The following SOBP variants were observed in gnomAD, a reference collection of about 807,000 sequenced individuals.
SOBP encodes the protein sine oculis binding protein homolog, also known as sine oculis-binding protein homolog.
SOBP carries 4 observed loss-of-function variants against 53.6 expected under a neutral mutation model. The ratio of observed to expected loss-of-function variants is 0.07; its 90% CI spans 0.04 to 0.17. SOBP has a LOEUF of 0.17. Ranked by LOEUF, SOBP falls within the 10% of genes least tolerant of loss-of-function variation. The probability of loss-of-function intolerance (pLI) is 1.00; values close to 1 mark genes in which losing one functional copy is unlikely to be tolerated. For synonymous variants in SOBP, 584 were observed against 522.6 expected, an observed-to-expected ratio of 1.12 and a Z score of -1.60; for missense variants, 1,088 against 1,204.7, an observed-to-expected ratio of 0.90 and a Z score of 1.43.
chr6:107,533,366 A>G, intron 3 of SOBP, 93 bp from the exon 4 acceptor site: 1 of 1,341,590 alleles, frequency 7.5e-7, no homozygotes, highest in South Asian at 1.2e-5. Flanking sequence ...AACTAAAATC[A>G]GGCCCAGGTA....
intron 5 of SOBP, among the ~76,000 whole-genome samples, chr6:107,626,784 C>T (rs556821357): frequency 3.3e-5 from 5 of 150,056 alleles, no homozygotes; most frequent in Admixed American, 6.6e-5. Context: ...TGTCTGTAGT[C>T]CCCTCCCAGT....
At chr6:107,657,946 C>A (rs1772137987) in intron 6 of SOBP, among the ~76,000 whole-genome samples, 1 of 151,978 alleles carries the variant, frequency 6.6e-6, no homozygotes. Context: ...GCGTGGTGTA[C>A]CCTACTCATT....
At chr6:107,652,775 T>A (rs1771858113) in intron 6 of SOBP, among the ~76,000 whole-genome samples, 1 of 152,004 alleles carries the variant, frequency 6.6e-6, no homozygotes, top group African/African-American at 2.4e-5. Flanking sequence ...CCCTGATTAG[T>A]CAGCAGCCGT....
chr6:107,622,183 C>G (rs1275686935), intron 5 of SOBP, among the ~76,000 whole-genome samples: 3 of 152,170 alleles, frequency 2.0e-5, no homozygotes, highest in African/African-American at 7.2e-5. Context: ...TTTTGATCCT[C>G]CCAGCAGCTC....
intron 5 of SOBP, among the ~76,000 whole-genome samples, chr6:107,600,075 A>G (rs1786121647): frequency 6.6e-6 from 1 of 152,226 alleles, no homozygotes; most frequent in South Asian, 2.1e-4. Context: ...AAAACATGCA[A>G]ACAGAAATTG....
Position 107,658,597 on chromosome 6 carries a change from C to CA in SOBP, c.*400dup, listed in dbSNP as rs1470591419. The CA allele has an allele frequency of 6.6e-6, 1 of 152,606 alleles. No individual in the cohort carries two copies. The highest frequency in any genetic ancestry group is 2.4e-5 in the African/African-American group (1 of 41,430). 9.5% of individuals were successfully genotyped at this position (152,606 alleles called of 1,614,324 possible). A position where few individuals can be genotyped will look rare whatever the true frequency, so the allele number is the denominator to read the frequency against. On this transcript the variant is annotated 3_prime_UTR_variant, in exon 7 of 7. Transcript: ENST00000317357. ...CTGGAAGATGATATGGATTGGAACA[C>CA]AAAAAATCTTTTTTTAATCTTTTTA... is the stretch of plus-strand genomic sequence containing the variant.
intron 4 of SOBP, among the ~76,000 whole-genome samples, chr6:107,563,284 G>A (rs903271031): frequency 1.6e-4 from 25 of 152,068 alleles, no homozygotes; most frequent in South Asian, 4.2e-4. Context: ...AAGAATAATC[G>A]ATTGTAGGAG....
chr6:107,557,753 GCT>G (rs1784656609), intron 4 of SOBP: 1 of 152,194 alleles, frequency 6.6e-6, no homozygotes, highest in Non-Finnish European at 1.5e-5. Context: ...AAATCTGGCT[GCT>G]AAGAAAAACT....
chr6:107,646,972 G>A (rs1771586930), intron 6 of SOBP, among the ~76,000 whole-genome samples: 1 of 152,204 alleles, frequency 6.6e-6, no homozygotes, highest in South Asian at 2.1e-4. Context: ...TGTATAAAGT[G>A]TGGCTCATCA....
In SOBP at chr6:107,606,574, A is replaced by G. The variant is rs541507853; in HGVS notation, c.669+19399A>G. On this transcript the variant is annotated intron_variant, in intron 5 of 6. Transcript: ENST00000317357. The stretch of plus-strand genomic sequence containing the variant: ...GCTTTAGGGCTCCAGCTGTGGGGGA[A>G]AAGGCGAGGCAGCTAATAGCTATCT... Among the ~76,000 whole-genome samples, 6 of 152,276 alleles carry G rather than the reference A, an allele frequency of 3.9e-5. No homozygotes were observed. In the South Asian group the frequency reaches 8.3e-4, roughly 21 times the overall value.
chr6:107,614,128 G>C (rs760491074), intron 5 of SOBP, among the ~76,000 whole-genome samples: 1 of 152,196 alleles, frequency 6.6e-6, no homozygotes, highest in Non-Finnish European at 1.5e-5. Flanking sequence ...TAAGGCAGGC[G>C]CAGTGGCTCA....
intron 3 of SOBP, among the ~76,000 whole-genome samples, chr6:107,508,861 A>G (rs547641774): frequency 6.6e-6 from 1 of 152,326 alleles, no homozygotes; most frequent in Admixed American, 6.5e-5. Flanking sequence ...TTACGTTTGA[A>G]TATATGCCCA....
At chr6:107,607,938 T>C (rs1395318407) in intron 5 of SOBP, among the ~76,000 whole-genome samples, 1 of 152,138 alleles carries the variant, frequency 6.6e-6, no homozygotes, top group African/African-American at 2.4e-5. Context: ...TAGCCATGAA[T>C]GTGCTGTGAT....
chr6:107,547,913 A>G (rs190678969), intron 4 of SOBP, among the ~76,000 whole-genome samples: 1 of 152,122 alleles, frequency 6.6e-6, no homozygotes, highest in Non-Finnish European at 1.5e-5. Context: ...CTTCTATTGC[A>G]CTGCACAGCT....
At chr6:107,570,469 A>T (rs959914682) in intron 4 of SOBP, among the ~76,000 whole-genome samples, 7 of 152,214 alleles carry the variant, frequency 4.6e-5, no homozygotes, top group Non-Finnish European at 1.0e-4. Context: ...GTTTATTTGA[A>T]AGCATACAGT....
At chr6:107,621,733 G>C (rs1770190652) in intron 5 of SOBP, among the ~76,000 whole-genome samples, 1 of 152,214 alleles carries the variant, frequency 6.6e-6, no homozygotes, top group South Asian at 2.1e-4. Context: ...TGGCCCGGGT[G>C]ACTGGTGCTG....
intron 5 of SOBP, among the ~76,000 whole-genome samples, chr6:107,592,483 A>G (rs1013075535): frequency 3.3e-5 from 5 of 152,228 alleles, no homozygotes; most frequent in African/African-American, 1.2e-4. Context: ...GCAATTGACC[A>G]GAGACCCTCC....
intron 3 of SOBP, among the ~76,000 whole-genome samples, chr6:107,528,804 G>T (rs1167257627): frequency 6.6e-6 from 1 of 152,198 alleles, no homozygotes; most frequent in Non-Finnish European, 1.5e-5. Flanking sequence ...TAGAAAAGCT[G>T]TGGTCTCTAA....
chr6:107,516,144 C>G (rs971140414), intron 3 of SOBP, among the ~76,000 whole-genome samples: 2 of 152,102 alleles, frequency 1.3e-5, no homozygotes, highest in African/African-American at 4.8e-5. Context: ...AAACTTTCCT[C>G]TTGATATCAA....
Sources: allele counts gnomAD v4.1 joint callset (sites outside exome capture counted in the v4.1 genomes callset), GRCh38; gene constraint gnomAD v4.1.1; transcripts MANE v1.5; gene names NCBI Gene and HGNC (gene_info 2026-07-23, HGNC 2026-07-21).